AMPH: variants seen among roughly 807,000 people sequenced by gnomAD.
AMPH encodes amphiphysin (Stiff-Mann syndrome with breast cancer 128kD autoantigen).
AMPH carries 49 observed loss-of-function variants against 99.1 expected under a neutral mutation model. The observed-to-expected ratio is 0.49, with a 90% CI of 0.39 to 0.63. AMPH has a LOEUF of 0.63. Ranked by LOEUF, AMPH falls within the 20% of genes least tolerant of loss-of-function variation. The pLI is 0.00. For synonymous variants in AMPH, 314 were observed against 317.3 expected (o/e 0.99, Z 0.11); for missense variants, 759 against 863.4 (o/e 0.88, Z 1.52).
At chr7:38,418,358 A>T (rs1270334724) in intron 16 of AMPH, among the ~76,000 whole-genome samples, 3 of 152,318 alleles carry the variant, frequency 2.0e-5, no homozygotes, top group Non-Finnish European at 4.4e-5. Flanking sequence ...AGGCAGAGAC[A>T]GAGAGAAAGG....
rs564631824 is a variant in AMPH at position 38,473,636 on chromosome 7, G to A, written c.590+1695C>T. Among the ~76,000 whole-genome samples, 39 of 97,110 alleles carry A rather than the reference G, an allele frequency of 4.0e-4. 7 individuals are homozygous for A. Among genetic ancestry groups the A allele is most frequent in the African/African-American group, 1.5e-3 (35 of 23,774 alleles). The allele number at this position is 97,110 out of a possible 152,430, so 63.7% of individuals were successfully genotyped here. ...GGAGAATGGCGTGAACCCGGGAAGC[G>A]GAGCTTGCAGTGAGCCGAGATTGCG... On this transcript the variant is annotated intron_variant, in intron 7 of 20. Coordinates refer to ENST00000356264, the MANE Select transcript of AMPH (RefSeq NM_001635.4).
chr7:38,465,698 G>T (rs534922038), intron 8 of AMPH, 149 bp from the exon 9 acceptor site: 2 of 647,776 alleles, frequency 3.1e-6, no homozygotes, highest in Non-Finnish European at 5.2e-6. Context: ...TTCTGTATAC[G>T]GTTCAAATTT....
At chr7:38,406,707 TCCTCTC>T (rs1784994372) in intron 17 of AMPH, among the ~76,000 whole-genome samples, 3 of 144,254 alleles carry the variant, frequency 2.1e-5, no homozygotes, top group African/African-American at 7.9e-5. Flanking sequence ...GAGTTCTCTC[TCCTCTC>T]CTCTCTCTCT....
chr7:38,471,213 T>G (rs1281925232), intron 7 of AMPH, among the ~76,000 whole-genome samples: 1 of 152,218 alleles, frequency 6.6e-6, no homozygotes, highest in Non-Finnish European at 1.5e-5. Context: ...TAAAGTTCCA[T>G]GAACCCAGAT....
At chr7:38,421,308 T>A (rs7801886) in intron 16 of AMPH, among the ~76,000 whole-genome samples, 7,114 of 152,310 alleles carry the variant, frequency 0.047, 528 homozygotes, top group African/African-American at 0.16. Context: ...CCATTTCTCA[T>A]AAACCATTCA....
At position 38,468,139 on chromosome 7, in the gene AMPH, C is replaced by T. The variant is rs765167941; in HGVS notation, c.591-1891G>A. ...TTCACCGTCAGACTGCTCAACTGGT[C>T]GCACTAGACTGGGCCACTTATAGTC... On this transcript the variant is annotated intron_variant, in intron 7 of 20. Coordinates refer to ENST00000356264, the MANE Select transcript of AMPH (RefSeq NM_001635.4). 2.6e-5 allele frequency among the ~76,000 whole-genome samples: 4 copies of T among 152,134 alleles called. No homozygotes were observed. The East Asian group carries it at 5.8e-4, about 22-fold the overall frequency.
intron 3 of AMPH, among the ~76,000 whole-genome samples, chr7:38,500,331 AG>A (rs1789089036): frequency 6.6e-6 from 1 of 152,074 alleles, no homozygotes; most frequent in Admixed American, 6.5e-5. Context: ...TCTTTTTTGG[AG>A]CATCGCTTGT....
intron 1 of AMPH, among the ~76,000 whole-genome samples, chr7:38,555,161 T>C (rs66767099): frequency 0.056 from 8,569 of 151,884 alleles, 369 homozygotes; most frequent in African/African-American, 0.12. Context: ...TTAATGCAGT[T>C]CTTTGGGAGA....
rs556883681 is a variant in AMPH, at chr7:38,563,165, G to GAATGAATC, written c.70-28155_70-28154insGATTCATT. ...TGAATGAATGAATGAATGAATGAAT[G>GAATGAATC]AGTGAATGGATAACTACTTTCCATG... On this transcript the variant is annotated intron_variant, in intron 1 of 20. Coordinates refer to ENST00000356264, the MANE Select transcript of AMPH (RefSeq NM_001635.4). Among the ~76,000 whole-genome samples the GAATGAATC allele has an allele frequency of 5.3e-3, 814 of 152,224 alleles. 4 individuals are homozygous for GAATGAATC. Among genetic ancestry groups the GAATGAATC allele is most frequent in the Non-Finnish European group, 9.1e-3 (616 of 68,008 alleles).
chr7:38,476,817 TC>T (rs1562780266), intron 6 of AMPH, 44 bp downstream of exon 6: 5 of 1,420,482 alleles, frequency 3.5e-6, no homozygotes, highest in Non-Finnish European at 5.0e-6. Context: ...CTGCAACAGG[TC>T]ATAAAATACG....
intron 1 of AMPH, among the ~76,000 whole-genome samples, chr7:38,605,874 C>A (rs1173989827): frequency 2.6e-5 from 4 of 152,182 alleles, no homozygotes; most frequent in Admixed American, 1.3e-4. Flanking sequence ...CCGCACCTGG[C>A]CTTTATAATG....
chr7:38,627,741 A>G (rs1794308933), intron 1 of AMPH, among the ~76,000 whole-genome samples: 1 of 151,874 alleles, frequency 6.6e-6, no homozygotes, highest in Non-Finnish European at 1.5e-5. Context: ...TATATAGGCT[A>G]CTATAGGTAA....
chr7:38,612,548 A>C (rs150371537), intron 1 of AMPH, among the ~76,000 whole-genome samples: 28 of 152,300 alleles, frequency 1.8e-4, no homozygotes, highest in South Asian at 4.1e-4. Flanking sequence ...ACTGATATGG[A>C]TAGATTATCC....
intron 1 of AMPH, among the ~76,000 whole-genome samples, chr7:38,598,410 C>A (rs1793136269): frequency 6.6e-6 from 1 of 152,152 alleles, no homozygotes; most frequent in South Asian, 2.1e-4. Flanking sequence ...TCAAGCAATT[C>A]TCCTGCCTCA....
chr7:38,452,336 A>G (rs145729880), intron 11 of AMPH, among the ~76,000 whole-genome samples: 13 of 152,350 alleles, frequency 8.5e-5, no homozygotes, highest in African/African-American at 2.6e-4. Flanking sequence ...AAACCTTTTC[A>G]GGTACATCAA....
At chr7:38,501,620 A>T (rs562010723) in intron 3 of AMPH, among the ~76,000 whole-genome samples, 1 of 152,260 alleles carries the variant, frequency 6.6e-6, no homozygotes, top group East Asian at 1.9e-4. Context: ...CAATTTTGCT[A>T]ATTTTTATTA....
intron 1 of AMPH, among the ~76,000 whole-genome samples, chr7:38,536,427 A>T (rs1428062102): frequency 1.3e-5 from 2 of 152,206 alleles, no homozygotes; most frequent in Admixed American, 6.5e-5. Flanking sequence ...GTTACCCAAT[A>T]AGTCAGAGTT....
At chr7:38,599,157 G>A (rs144033256) in intron 1 of AMPH, among the ~76,000 whole-genome samples, 128 of 152,268 alleles carry the variant, frequency 8.4e-4, no homozygotes, top group African/African-American at 2.7e-3. Flanking sequence ...TTGAGTTGTG[G>A]AGAGAATGTG....
intron 1 of AMPH, among the ~76,000 whole-genome samples, chr7:38,558,527 T>C (rs559777360): frequency 6.6e-6 from 1 of 152,338 alleles, no homozygotes; most frequent in South Asian, 2.1e-4. Flanking sequence ...TTTTAAACAC[T>C]GATTAATGCT....
Sources: gnomAD v4.1 joint callset for allele counts (sites outside exome capture counted in the v4.1 genomes callset) on GRCh38, gnomAD v4.1.1 for gene constraint, MANE v1.5 for transcripts, NCBI Gene and HGNC (gene_info 2026-07-23, HGNC 2026-07-21) for gene names.